The following CPAMD8 variants were observed in gnomAD, a reference collection of about 807,000 sequenced individuals.
The protein encoded by CPAMD8 is C3 and PZP-like alpha-2-macroglobulin domain-containing protein 8.
In CPAMD8, 146 loss-of-function variants were observed where a neutral mutation model predicts 224.7. The observed-to-expected ratio is 0.65, with a 90% CI of 0.57 to 0.75. The LOEUF (loss-of-function observed/expected upper bound fraction) is 0.75, where lower values mean the gene tolerates loss of function less well. CPAMD8 is among the 30% of genes least tolerant of loss of function. The probability of loss-of-function intolerance (pLI) is 0.00; values close to 1 mark genes in which losing one functional copy is unlikely to be tolerated. For synonymous variants in CPAMD8, 966 were observed against 1,044.6 expected (o/e 0.92, Z 1.45); for missense variants, 2,301 against 2,537.5 (o/e 0.91, Z 2.00).
chr19:16,920,038 G>A (rs771478183), intron 27 of CPAMD8, among the ~76,000 whole-genome samples: 9 of 152,162 alleles, frequency 5.9e-5, no homozygotes, highest in African/African-American at 1.4e-4. Context: ...GTCCAGCTTC[G>A]GGGTGGGTGC....
chr19:16,945,746 A>G (rs2054051573), intron 21 of CPAMD8, 67 bp from the exon 22 acceptor site: 2 of 1,452,628 alleles, frequency 1.4e-6, no homozygotes, highest in Non-Finnish European at 1.9e-6. Context: ...TCCCATCCCT[A>G]TCCTTATCCC....
chr19:16,938,686 A>T (rs1309487628), intron 22 of CPAMD8, among the ~76,000 whole-genome samples: 1 of 152,164 alleles, frequency 6.6e-6, no homozygotes, highest in Non-Finnish European at 1.5e-5. Flanking sequence ...GCTGGCCAAA[A>T]GGAACTCACC....
At position 16,902,737 on chromosome 19, in the gene CPAMD8, G is replaced by A. The variant is rs377227680; in HGVS notation, c.4597C>T (p.Arg1533Ter). ...TCGTCAGCTGGGGGCCAGTCTCCTC[G>A]GGAACCCTCAGCTGCGGAGGCAGGC... ...PMPASAAEGS[R>*]GDWPPADDDD... Residue 1533 changes from arginine to a stop codon, truncating the protein, a stop_gained, in exon 35 of 42, where the codon CGA (arginine) becomes TGA (stop). Transcript: ENST00000443236. LOFTEE classifies it high-confidence loss of function. The A allele has an allele frequency of 3.1e-6, 5 of 1,599,624 alleles. No individual in the cohort carries two copies. Among genetic ancestry groups the A allele is most frequent in the Non-Finnish European group, 4.3e-6 (5 of 1,170,030 alleles).
At chr19:16,928,271 G>A in intron 24 of CPAMD8, 37 bp from the exon 25 acceptor site, 2 of 1,568,788 alleles carry the variant, frequency 1.3e-6, no homozygotes, top group Non-Finnish European at 1.7e-6. Context: ...ACGCTGGCAG[G>A]AAGCAGGCAG....
At chr19:16,951,408 T>G (rs925561434) in intron 20 of CPAMD8, among the ~76,000 whole-genome samples, 6 of 152,094 alleles carry the variant, frequency 3.9e-5, no homozygotes, top group Admixed American at 6.6e-5. Context: ...CAGGTGAAAA[T>G]TCTATGGAGT....
chr19:16,917,609 T>C (rs939528661), intron 27 of CPAMD8, among the ~76,000 whole-genome samples: 3 of 152,126 alleles, frequency 2.0e-5, no homozygotes, highest in African/African-American at 7.2e-5. Flanking sequence ...GGCATGGTAG[T>C]GCATGCCTGT....
chr19:16,914,958 A>G, intron 27 of CPAMD8, 145 bp from the exon 28 acceptor site: 1 of 636,712 alleles, frequency 1.6e-6, no homozygotes, highest in East Asian at 2.8e-5. Context: ...CTGTCCCCAC[A>G]GGGCTGTCAG....
At chr19:16,947,631 C>G (rs117267089) in intron 20 of CPAMD8, among the ~76,000 whole-genome samples, 1 of 152,214 alleles carries the variant, frequency 6.6e-6, no homozygotes, top group African/African-American at 2.4e-5. Context: ...TCTTTCCAAC[C>G]GTGCAGCTCC....
chr19:16,994,395 T>G (rs2056057953), intron 11 of CPAMD8, among the ~76,000 whole-genome samples: 1 of 152,044 alleles, frequency 6.6e-6, no homozygotes, highest in Non-Finnish European at 1.5e-5. Context: ...CAGACATAGA[T>G]GTTTTAAAAG....
chr19:16,978,979 T>A (rs2055385402), intron 14 of CPAMD8, among the ~76,000 whole-genome samples: 2 of 146,688 alleles, frequency 1.4e-5, no homozygotes, highest in Admixed American at 1.4e-4. Context: ...CCATCCACCA[T>A]CCAATCATCT....
chr19:17,001,859 G>A (rs1299850958), intron 9 of CPAMD8, among the ~76,000 whole-genome samples: 1 of 151,762 alleles, frequency 6.6e-6, no homozygotes, highest in African/African-American at 2.4e-5. Context: ...CCAGGGAGGG[G>A]GTGCCCCCAG....
At chr19:16,977,313 G>A in intron 15 of CPAMD8, 55 bp downstream of exon 15, 3 of 1,262,770 alleles carry the variant, frequency 2.4e-6, no homozygotes, top group African/African-American at 1.5e-5. Context: ...CCAGCACCTT[G>A]GAGAAGCCCC....
chr19:16,956,621 G>A (rs1054814024), intron 19 of CPAMD8, among the ~76,000 whole-genome samples: 7 of 152,084 alleles, frequency 4.6e-5, no homozygotes, highest in African/African-American at 1.7e-4. Flanking sequence ...CTTGAGGCCA[G>A]GAGTTTCAGA....
At chr19:16,985,583 G>A (rs1240552285) in intron 13 of CPAMD8, among the ~76,000 whole-genome samples, 1 of 149,956 alleles carries the variant, frequency 6.7e-6, no homozygotes, top group Non-Finnish European at 1.5e-5. Flanking sequence ...GAAGAAAGGA[G>A]GGAGGGAGAG....
rs371308908 is a variant in CPAMD8, at chr19:16,940,970, G to A, written c.2794-2524C>T. Reference sequence around the variant, plus strand: ...TTTTGAGATGGAATCTCGCTCTGTCGCCCAGGCTGGAGTCCAGTGGCGCAG... The same window carrying A: ...TTTTGAGATGGAATCTCGCTCTGTCACCCAGGCTGGAGTCCAGTGGCGCAG... On this transcript the variant is annotated intron_variant, in intron 22 of 41. Transcript: ENST00000443236. Among the ~76,000 whole-genome samples, 109 of 152,282 alleles carry A rather than the reference G, an allele frequency of 7.2e-4. No individual in the cohort carries two copies. In the South Asian group the frequency reaches 0.018, roughly 25 times the overall value.
intron 35 of CPAMD8, among the ~76,000 whole-genome samples, chr19:16,901,797 C>T (rs1443903786): frequency 2.0e-5 from 3 of 152,144 alleles, no homozygotes; most frequent in Non-Finnish European, 4.4e-5. Context: ...TCCTATAGGG[C>T]GTTGGGGACA....
chr19:17,022,328 C>T, intron 1 of CPAMD8, 147 bp from the exon 2 acceptor site: 1 of 845,982 alleles, frequency 1.2e-6, no homozygotes, highest in Non-Finnish European at 1.8e-6. Context: ...GAGTCTGTGC[C>T]CCCCCATCAG....
chr19:16,908,927 G>A (rs979109299), intron 29 of CPAMD8, among the ~76,000 whole-genome samples: 1 of 152,182 alleles, frequency 6.6e-6, no homozygotes, highest in South Asian at 2.1e-4. Flanking sequence ...CGCGGGCCAG[G>A]ACGGGTCTCA....
At chr19:17,007,957 G>A (rs569698962) in intron 7 of CPAMD8, among the ~76,000 whole-genome samples, 1 of 152,314 alleles carries the variant, frequency 6.6e-6, no homozygotes, top group South Asian at 2.1e-4. Flanking sequence ...CACCTGAGAG[G>A]TCAGGAGTTG....
Sources: allele counts gnomAD v4.1 joint callset (sites outside exome capture counted in the v4.1 genomes callset), GRCh38; gene constraint gnomAD v4.1.1; transcripts MANE v1.5; gene names NCBI Gene and HGNC (gene_info 2026-07-23, HGNC 2026-07-21).